SLC8A3: variants seen among roughly 807,000 people sequenced by gnomAD.
SLC8A3 encodes the protein solute carrier family 8 member A3.
Under a neutral mutation model 65.4 loss-of-function variants are expected in SLC8A3, and 37 were observed. The observed-to-expected ratio is 0.57, with a 90% CI of 0.44 to 0.74. The LOEUF (loss-of-function observed/expected upper bound fraction) is 0.74, where lower values mean the gene tolerates loss of function less well. Ranked by LOEUF, SLC8A3 falls within the 30% of genes least tolerant of loss-of-function variation. SLC8A3 has a pLI of 0.00. For missense variants in SLC8A3, 1,112 were observed against 1,172.1 expected, an observed-to-expected ratio of 0.95 and a Z score of 0.75; for synonymous variants, 461 against 444.5, an observed-to-expected ratio of 1.04 and a Z score of -0.47.
intron 2 of SLC8A3, among the ~76,000 whole-genome samples, chr14:70,067,921 C>T (rs2139885784): frequency 1.3e-5 from 2 of 152,308 alleles, no homozygotes; most frequent in Middle Eastern, 6.8e-3. Context: ...GCAGCTACTC[C>T]TAGAGCCAGT....
chr14:70,084,211 A>G (rs1457026361), intron 2 of SLC8A3, among the ~76,000 whole-genome samples: 1 of 152,210 alleles, frequency 6.6e-6, no homozygotes, highest in East Asian at 1.9e-4. Context: ...GGTCCTGCAT[A>G]ACATTGTATC....
intron 1 of SLC8A3, among the ~76,000 whole-genome samples, chr14:70,182,497 G>T (rs1594825992): frequency 6.6e-6 from 1 of 152,268 alleles, no homozygotes; most frequent in Non-Finnish European, 1.5e-5. Context: ...CTGTGTGAAA[G>T]AAGCTGAAAG....
intron 6 of SLC8A3, 108 bp downstream of exon 6, chr14:70,048,659 C>T (rs1306958222): frequency 3.1e-6 from 3 of 972,504 alleles, no homozygotes; most frequent in Non-Finnish European, 1.6e-6. Flanking sequence ...GGCAGAGGCT[C>T]TGTTAAGTTC....
intron 3 of SLC8A3, among the ~76,000 whole-genome samples, chr14:70,056,509 T>C (rs1403117057): frequency 6.6e-6 from 1 of 152,250 alleles, no homozygotes; most frequent in East Asian, 1.9e-4. Context: ...GGTTTGTCTT[T>C]ACCGTAGATA....
intron 2 of SLC8A3, among the ~76,000 whole-genome samples, chr14:70,072,692 G>T (rs1890121868): frequency 6.6e-6 from 1 of 152,082 alleles, no homozygotes; most frequent in Non-Finnish European, 1.5e-5. Flanking sequence ...CTCTCACCCA[G>T]GCTGAAGTGT....
Position 70,119,758 on chromosome 14 carries a change from A to T in SLC8A3, c.1784+46881T>A, listed in dbSNP as rs1893920700. On this transcript the variant is annotated intron_variant, in intron 2 of 6. Coordinates refer to ENST00000356921, the MANE Select transcript of SLC8A3 (RefSeq NM_182932.3). ...ATCAACTTTTTCATCTATACGTTAA[A>T]GAGGACAATAACCTCATAGGATTGT... is the stretch of plus-strand genomic sequence containing the variant. Among the ~76,000 whole-genome samples, 7 of 152,376 alleles carry T rather than the reference A, an allele frequency of 4.6e-5. No individual in the cohort carries two copies. In the South Asian group the frequency reaches 1.5e-3, roughly 32 times the overall value.
intron 5 of SLC8A3, among the ~76,000 whole-genome samples, chr14:70,049,443 T>C (rs1216643289): frequency 1.3e-5 from 2 of 151,902 alleles, no homozygotes; most frequent in African/African-American, 4.8e-5. Context: ...TGAGAACACA[T>C]GGACACAGGG....
intron 2 of SLC8A3, among the ~76,000 whole-genome samples, chr14:70,153,660 C>T (rs1453502949): frequency 2.6e-5 from 4 of 152,252 alleles, no homozygotes; most frequent in South Asian, 4.1e-4. Context: ...AGTATGAGCT[C>T]CCCAAATGTC....
intron 3 of SLC8A3, among the ~76,000 whole-genome samples, chr14:70,052,680 G>T (rs551134626): frequency 6.6e-6 from 1 of 152,138 alleles, no homozygotes; most frequent in African/African-American, 2.4e-5. Context: ...ATGTTTTCTG[G>T]ATTAGAGTGA....
chr14:70,120,184 T>C (rs1005253681), intron 2 of SLC8A3, among the ~76,000 whole-genome samples: 4 of 152,244 alleles, frequency 2.6e-5, no homozygotes, highest in African/African-American at 7.2e-5. Context: ...TTCAACTTTA[T>C]ATGAGTAAGA....
chr14:70,145,199 C>A (rs1594755505), intron 2 of SLC8A3, among the ~76,000 whole-genome samples: 2 of 152,250 alleles, frequency 1.3e-5, no homozygotes, highest in South Asian at 4.1e-4. Context: ...CTTTCAATTT[C>A]TTTTTTGGCT....
At chr14:70,107,357 A>G (rs1179765522) in intron 2 of SLC8A3, among the ~76,000 whole-genome samples, 1 of 152,160 alleles carries the variant, frequency 6.6e-6, no homozygotes, top group Non-Finnish European at 1.5e-5. Flanking sequence ...ATCCTTGAAC[A>G]GAATAGCCAT....
At chr14:70,094,645 G>A (rs1233286227) in intron 2 of SLC8A3, among the ~76,000 whole-genome samples, 1 of 152,214 alleles carries the variant, frequency 6.6e-6, no homozygotes, top group East Asian at 1.9e-4. Flanking sequence ...CATTGAGGGA[G>A]GAGTGGGGTT....
At chr14:70,171,988 G>A (rs950869488) in intron 1 of SLC8A3, among the ~76,000 whole-genome samples, 3 of 152,076 alleles carry the variant, frequency 2.0e-5, no homozygotes, top group East Asian at 1.9e-4. Flanking sequence ...CAAGCCAGTC[G>A]TCATTTTTTA....
Position 70,166,886 on chromosome 14 carries a change from G to A in SLC8A3, c.1537C>T (p.Leu513=). 1.2e-6 allele frequency: 2 copies of A among 1,614,106 alleles called. No individual in the cohort carries two copies. Among genetic ancestry groups the A allele is most frequent in the South Asian group, 1.1e-5 (1 of 91,072 alleles). ...FNSLPLPRAV[L]ASPCVATVTI... is the part of the protein sequence containing the mutation. The stretch of plus-strand genomic sequence containing the variant: ...ACTGTGGCCACACAAGGGGAGGCTA[G>A]GACAGCCCGAGGCAAGGGAAGACTG... Residue 513 remains leucine, a synonymous_variant, in exon 2 of 7, where the codon CTA becomes TTA. Coordinates refer to ENST00000356921, the MANE Select transcript of SLC8A3 (RefSeq NM_182932.3).
Position 70,160,966 on chromosome 14 carries a change from C to A in SLC8A3, c.1784+5673G>T, listed in dbSNP as rs61289274. ...TGCTAAAAAGTTTACATAGCATGGT[C>A]GGGCACGGTGGCTCACGCCTGTAAT... is the stretch of plus-strand genomic sequence containing the variant. On this transcript the variant is annotated intron_variant, in intron 2 of 6. Transcript: ENST00000356921. 9.4e-3 allele frequency among the ~76,000 whole-genome samples: 1,414 copies of A among 150,826 alleles called. 20 individuals are homozygous for A. The highest frequency in any genetic ancestry group is 0.032 in the African/African-American group (1,296 of 41,124).
intron 2 of SLC8A3, among the ~76,000 whole-genome samples, chr14:70,141,978 C>T (rs947556879): frequency 1.3e-5 from 2 of 150,956 alleles, no homozygotes; most frequent in African/African-American, 2.5e-5. Flanking sequence ...CTCCAATGGC[C>T]TCCCTCTCAC....
At chr14:70,129,869 G>C (rs930264849) in intron 2 of SLC8A3, among the ~76,000 whole-genome samples, 1 of 152,174 alleles carries the variant, frequency 6.6e-6, no homozygotes, top group Non-Finnish European at 1.5e-5. Context: ...TTTTTGCATA[G>C]CTCAATTCAA....
chr14:70,069,813 G>A (rs532744833), intron 2 of SLC8A3, among the ~76,000 whole-genome samples: 5 of 152,226 alleles, frequency 3.3e-5, no homozygotes, highest in African/African-American at 7.2e-5. Flanking sequence ...CCCTGAAAGC[G>A]GTGCTTCTCA....
Sources: gnomAD v4.1 joint callset for allele counts (sites outside exome capture counted in the v4.1 genomes callset) on GRCh38, gnomAD v4.1.1 for gene constraint, MANE v1.5 for transcripts, NCBI Gene and HGNC (gene_info 2026-07-23, HGNC 2026-07-21) for gene names.